Variants in DNAH2 observed in about 807,000 individuals in gnomAD.
DNAH2 encodes the protein axonemal beta dynein heavy chain 2.
DNAH2 carries 323 observed loss-of-function variants against 523.5 expected under a neutral mutation model. That is an observed-to-expected ratio of 0.62 (90% confidence interval 0.56 to 0.68). DNAH2 has a LOEUF of 0.68. DNAH2 is among the 30% of genes least tolerant of loss of function. The pLI is 0.00. For synonymous variants in DNAH2, 2,093 were observed against 2,177.4 expected, an observed-to-expected ratio of 0.96 and a Z score of 1.08; for missense variants, 4,907 against 5,701.5, an observed-to-expected ratio of 0.86 and a Z score of 4.49.
At chr17:7,804,225 T>C in intron 58 of DNAH2, 31 bp from the exon 59 acceptor site, 2 of 1,611,502 alleles carry the variant, frequency 1.2e-6, no homozygotes, top group Admixed American at 3.3e-5. Context: ...AAGCCCCGCC[T>C]CTCCACACCC....
rs2076173309 is a variant in DNAH2, at chr17:7,766,550, G to C, written c.3675+69G>C. On this transcript the variant is annotated intron_variant, in intron 22 of 85. Coordinates refer to ENST00000572933, the MANE Select transcript of DNAH2 (RefSeq NM_020877.5). Reference sequence around the variant, plus strand: ...GCAGGGACAGGAGAATGGGTCCTTAGCGCCCACAAAGGCAGTGGGAAGGGA... The same window carrying C: ...GCAGGGACAGGAGAATGGGTCCTTACCGCCCACAAAGGCAGTGGGAAGGGA... 5 of 1,505,198 alleles carry C rather than the reference G, an allele frequency of 3.3e-6. No individual in the cohort carries two copies. In the South Asian group the frequency reaches 3.8e-5, roughly 11 times the overall value. The allele number at this position is 1,505,198 out of a possible 1,614,324, so 93.2% of individuals were successfully genotyped here.
At chr17:7,785,308 G>A (rs1393075674) in intron 39 of DNAH2, among the ~76,000 whole-genome samples, 3 of 152,108 alleles carry the variant, frequency 2.0e-5, no homozygotes, top group African/African-American at 7.2e-5. Context: ...TCGCCATGTT[G>A]GCCAGGCTGG....
chr17:7,762,416 A>T (rs912388304), intron 18 of DNAH2, among the ~76,000 whole-genome samples: 1 of 150,008 alleles, frequency 6.7e-6, no homozygotes, highest in African/African-American at 2.5e-5. Flanking sequence ...GCTCACCGCA[A>T]GCTCCGCCTC....
In DNAH2 at chr17:7,793,076, C is replaced by G. The variant is rs780052828; in HGVS notation, c.7440C>G (p.Thr2480=). ...YVPFGGKSMI[T]FMDDLNMPAK... ...CATTCGGGGGCAAAAGCATGATCAC[C>G]TTTATGGATGACCTAAATATGCCCG... is the stretch of plus-strand genomic sequence containing the variant. Residue 2480 remains threonine, a synonymous_variant, in exon 48 of 86, where the codon ACC becomes ACG. Coordinates refer to ENST00000572933, the MANE Select transcript of DNAH2 (RefSeq NM_020877.5). 13 of 1,614,104 alleles carry G rather than the reference C, an allele frequency of 8.1e-6. No homozygotes were observed. The highest frequency in any genetic ancestry group is 1.1e-5 in the South Asian group (1 of 91,094).
At chr17:7,721,684 A>G (rs1297638715) in intron 2 of DNAH2, among the ~76,000 whole-genome samples, 1 of 152,086 alleles carries the variant, frequency 6.6e-6, no homozygotes, top group African/African-American at 2.4e-5. Context: ...TCTTTTGGTT[A>G]TATCTCATTT....
chr17:7,820,799 G>A (rs2077829690), intron 72 of DNAH2, among the ~76,000 whole-genome samples: 1 of 152,194 alleles, frequency 6.6e-6, no homozygotes, highest in Non-Finnish European at 1.5e-5. Flanking sequence ...CAGCACTTTG[G>A]AAAGCTGAGA....
intron 10 of DNAH2, 41 bp from the exon 11 acceptor site, chr17:7,740,769 C>A: frequency 6.3e-7 from 1 of 1,583,100 alleles, no homozygotes; most frequent in Non-Finnish European, 8.6e-7. Flanking sequence ...GGGAACCCGC[C>A]TTCCCGGGCA....
chr17:7,739,782 G>T lies in DNAH2; in HGVS notation c.1220G>T (p.Gly407Val), dbSNP rs757442029. The change falls in exon 9 of 86, where the codon GGT becomes GTT. Residue 407 changes from glycine to valine, a missense_variant. Gly to Val is a moderately radical substitution (Grantham distance 109, BLOSUM62 -3). Coordinates refer to ENST00000572933, the MANE Select transcript of DNAH2 (RefSeq NM_020877.5). ...GCCCGCTGGGAAGATGGCAAGCAGG[G>T]TCCCCTTCCTTGCTTCTTTGGTGCC... ...HFARWEDGKQ[G>V]PLPCFFGAQG... 6.2e-6 allele frequency: 10 copies of T among 1,613,702 alleles called. No individual in the cohort carries two copies. The highest frequency in any genetic ancestry group is 1.1e-5 in the South Asian group (1 of 91,076).
chr17:7,752,307 T>C (rs2075708617), intron 12 of DNAH2, among the ~76,000 whole-genome samples: 1 of 152,132 alleles, frequency 6.6e-6, no homozygotes, highest in Non-Finnish European at 1.5e-5. Context: ...ACTTTGATTT[T>C]TATAAATTAA....
chr17:7,770,412 C>A lies in DNAH2; in HGVS notation c.4098+4C>A, dbSNP rs769592554. 6.2e-7 allele frequency: 1 copy of A among 1,611,378 alleles called. No homozygotes were observed. The highest frequency in any genetic ancestry group is 8.5e-7 in the Non-Finnish European group (1 of 1,178,624). On this transcript the variant is annotated splice_donor_region_variant and intron_variant, in intron 25 of 85. Coordinates refer to ENST00000572933, the MANE Select transcript of DNAH2 (RefSeq NM_020877.5). ...TAAAGAGCTGGCTATAGAAGTGGTA[C>A]GACAGTCCCCTCCCATGCTCCCACA... is the stretch of plus-strand genomic sequence containing the variant.
At chr17:7,721,745 T>C (rs307627) in intron 2 of DNAH2, among the ~76,000 whole-genome samples, 106,477 of 152,018 alleles carry the variant, frequency 0.7, 37,940 homozygotes, top group Non-Finnish European at 0.78. Context: ...CCAGTTTTAC[T>C]CCAATCTCCT....
At chr17:7,810,123 G>A (rs2077473705) in intron 63 of DNAH2, among the ~76,000 whole-genome samples, 1 of 149,852 alleles carries the variant, frequency 6.7e-6, no homozygotes, top group Non-Finnish European at 1.5e-5. Context: ...GAATGCAGTG[G>A]CGCAATCACG....
chr17:7,743,284 T>A (rs1567628731), intron 12 of DNAH2, 142 bp downstream of exon 12: 1 of 953,574 alleles, frequency 1.0e-6, no homozygotes, highest in Non-Finnish European at 1.6e-6. Context: ...TTTACTTTTT[T>A]TTTTCTTCTT....
intron 13 of DNAH2, 39 bp from the exon 14 acceptor site, chr17:7,758,456 G>T: frequency 6.3e-7 from 1 of 1,595,296 alleles, no homozygotes; most frequent in Middle Eastern, 1.8e-4. Flanking sequence ...GATCTTCAGG[G>T]CTTGTCCCCT....
chr17:7,770,831 G>C lies in DNAH2; in HGVS notation c.4260G>C (p.Lys1420Asn). ...CCATGAAGGCATCACGCTTTGTCAA[G>C]GCCTTTGAGAAGGATGTGGACCACT... is the stretch of plus-strand genomic sequence containing the variant. ...LSTMKASRFV[K>N]AFEKDVDHWE... Residue 1420 changes from lysine to asparagine, a missense_variant, in exon 27 of 86, where the codon AAG becomes AAC. Lys to Asn is a moderately conservative substitution (Grantham distance 94). Transcript: ENST00000572933. 2 of 1,614,182 alleles carry C rather than the reference G, an allele frequency of 1.2e-6. No homozygotes were observed. Among genetic ancestry groups the C allele is most frequent in the Non-Finnish European group, 1.7e-6 (2 of 1,180,040 alleles).
chr17:7,736,191 A>T (rs1024742107), intron 7 of DNAH2, among the ~76,000 whole-genome samples: 3 of 152,178 alleles, frequency 2.0e-5, no homozygotes, highest in Admixed American at 6.5e-5. Flanking sequence ...CATTAAAAAA[A>T]AATTTGATAT....
In DNAH2 at chr17:7,799,131, G is replaced by A. The variant is rs148788483; in HGVS notation, c.8588G>A (p.Arg2863Gln). The A allele has an allele frequency of 2.7e-5, 44 of 1,614,046 alleles. 1 individual carries two copies. The highest frequency in any genetic ancestry group is 6.7e-5 in the East Asian group (3 of 44,898). The change falls in exon 56 of 86, where the codon CGG becomes CAG. Residue 2863 changes from arginine to glutamine, a missense_variant. This residue lies in a region of DNAH2 where 1,851 missense variants were observed against 2,139.4 expected (regional missense o/e 0.87). Coordinates refer to ENST00000572933, the MANE Select transcript of DNAH2 (RefSeq NM_020877.5). The part of the protein sequence containing the change: ...EIQSHIIDQA[R>Q]VEQVPESSDS... ...CAGTCGCATATCATAGACCAGGCCC[G>A]GGTGGAGCAGGTGCCTGAGTCATCG...
chr17:7,830,304 TA>T lies in DNAH2; in HGVS notation c.11861del (p.Lys3954ArgfsTer4). On this transcript the variant is annotated frameshift_variant, in exon 78 of 86. Transcript: ENST00000572933. LOFTEE classifies it high-confidence loss of function. ...IKMTTEPPKGLKANMTRLYQL... is the reference protein window; with the variant it reads ...IKMTTEPPKGXKANMTRLYQL... ...TTTATATTTCATTGTCCCCAGGGCCTAAAGGCCAACATGACACGTCTTTACC... is the reference window on the plus strand; with the variant it reads ...TTTATATTTCATTGTCCCCAGGGCCTAAGGCCAACATGACACGTCTTTACC... 3.1e-6 allele frequency: 5 copies of T among 1,613,876 alleles called. No individual in the cohort carries two copies. The highest frequency in any genetic ancestry group is 4.2e-6 in the Non-Finnish European group (5 of 1,179,908).
intron 3 of DNAH2, among the ~76,000 whole-genome samples, chr17:7,724,412 G>A (rs2074727777): frequency 6.6e-6 from 1 of 152,050 alleles, no homozygotes; most frequent in Non-Finnish European, 1.5e-5. Context: ...CTGAGGTCAG[G>A]ATTTGAGACC....
Sources: gnomAD v4.1 joint callset for allele counts (sites outside exome capture counted in the v4.1 genomes callset) on GRCh38, gnomAD v4.1.1 for gene constraint, gnomAD v4.1.1 regional missense constraint, MANE v1.5 for transcripts, NCBI Gene and HGNC (gene_info 2026-07-23, HGNC 2026-07-21) for gene names.